DPP10: variants seen among roughly 807,000 people sequenced by gnomAD.
DPP10 encodes dipeptidyl peptidase like 10.
In DPP10, 33 loss-of-function variants were observed where a neutral mutation model predicts 120.9. That is an observed-to-expected ratio of 0.27 (90% CI 0.21 to 0.37). DPP10 has a LOEUF of 0.37. Ranked by LOEUF, DPP10 falls within the 10% of genes least tolerant of loss-of-function variation. The pLI, the probability that DPP10 is intolerant of heterozygous loss-of-function variation, is 1.00. For synonymous variants in DPP10, 337 were observed against 326.1 expected (o/e 1.03, Z -0.36); for missense variants, 816 against 942.8 (o/e 0.87, Z 1.76).
chr2:115,294,207 G>A (rs537157085), intron 1 of DPP10, among the ~76,000 whole-genome samples: 6 of 152,042 alleles, frequency 3.9e-5, no homozygotes, highest in Non-Finnish European at 8.8e-5. Flanking sequence ...GAATCATTCT[G>A]AAGAAGTTTG....
intron 3 of DPP10, among the ~76,000 whole-genome samples, chr2:115,406,751 A>G (rs2068539571): frequency 6.6e-6 from 1 of 152,198 alleles, no homozygotes; most frequent in South Asian, 2.1e-4. Flanking sequence ...TAACAATTAT[A>G]AAGGTACTTA....
At chr2:114,718,003 A>T (rs754750470) in intron 1 of DPP10, among the ~76,000 whole-genome samples, 20 of 152,172 alleles carry the variant, frequency 1.3e-4, no homozygotes, top group Non-Finnish European at 2.5e-4. Flanking sequence ...GATACATAGA[A>T]CTAGAATTGG....
intron 3 of DPP10, among the ~76,000 whole-genome samples, chr2:115,457,303 A>C (rs1472268259): frequency 6.6e-6 from 1 of 152,112 alleles, no homozygotes; most frequent in African/African-American, 2.4e-5. Context: ...AACACTATAA[A>C]ACTTTTTAGA....
chr2:115,561,460 T>G (rs1315072865), intron 5 of DPP10, among the ~76,000 whole-genome samples: 1 of 151,668 alleles, frequency 6.6e-6, no homozygotes, highest in Non-Finnish European at 1.5e-5. Flanking sequence ...TCACATACTG[T>G]TTTGAGAGAA....
intron 1 of DPP10, among the ~76,000 whole-genome samples, chr2:114,985,228 T>C (rs1020118846): frequency 6.6e-6 from 1 of 152,178 alleles, no homozygotes; most frequent in Non-Finnish European, 1.5e-5. Context: ...ACTTTTTTTT[T>C]CCTTCTGTCT....
chr2:114,788,439 C>T (rs2437455), intron 1 of DPP10, among the ~76,000 whole-genome samples: 69,438 of 148,976 alleles, frequency 0.47, 16,569 homozygotes, highest in African/African-American at 0.55. Context: ...TTCCTTGAGA[C>T]GGAGTCTCAC....
chr2:115,371,277 A>G (rs2065390863), intron 3 of DPP10, among the ~76,000 whole-genome samples: 1 of 152,136 alleles, frequency 6.6e-6, no homozygotes, highest in Admixed American at 6.6e-5. Context: ...TGCTTCTCAA[A>G]TTGCTCCTTT....
At chr2:114,739,558 C>G (rs1033672218) in intron 1 of DPP10, among the ~76,000 whole-genome samples, 1 of 152,054 alleles carries the variant, frequency 6.6e-6, no homozygotes, top group African/African-American at 2.4e-5. Context: ...ACTTGGGAGG[C>G]TGAGACAGGA....
chr2:114,814,548 G>A (rs1054328422), intron 1 of DPP10, among the ~76,000 whole-genome samples: 1 of 152,048 alleles, frequency 6.6e-6, no homozygotes, highest in Non-Finnish European at 1.5e-5. Context: ...ATATTACCAT[G>A]TCAGCATATT....
intron 19 of DPP10, among the ~76,000 whole-genome samples, chr2:115,808,068 A>G (rs1686217709): frequency 6.6e-6 from 1 of 152,242 alleles, no homozygotes; most frequent in Non-Finnish European, 1.5e-5. Context: ...AGAAGCTCGT[A>G]AGATACCTTT....
chr2:115,724,444 T>C (rs2092719557), intron 7 of DPP10, among the ~76,000 whole-genome samples: 1 of 152,226 alleles, frequency 6.6e-6, no homozygotes, highest in Non-Finnish European at 1.5e-5. Flanking sequence ...ACTAACACAT[T>C]GATTCGAATA....
At chr2:115,353,645 T>A (rs1264899566) in intron 3 of DPP10, among the ~76,000 whole-genome samples, 2 of 152,158 alleles carry the variant, frequency 1.3e-5, no homozygotes, top group African/African-American at 4.8e-5. Context: ...ATGTTTCTAC[T>A]TTTCTAGGAC....
intron 1 of DPP10, among the ~76,000 whole-genome samples, chr2:114,491,707 TAC>T (rs958444766): frequency 6.6e-6 from 1 of 152,218 alleles, no homozygotes; most frequent in Non-Finnish European, 1.5e-5. Context: ...AGCATAAAAA[TAC>T]ATGCTCTCAA....
chr2:115,331,225 T>G, intron 2 of DPP10, among the ~76,000 whole-genome samples: 1 of 152,030 alleles, frequency 6.6e-6, no homozygotes, highest in Non-Finnish European at 1.5e-5. Context: ...TGGCTCTCTG[T>G]CTGTTATTTG....
At chr2:115,698,167 ATCT>A (rs1207601100) in intron 7 of DPP10, among the ~76,000 whole-genome samples, 1 of 152,118 alleles carries the variant, frequency 6.6e-6, no homozygotes, top group Non-Finnish European at 1.5e-5. Context: ...CACACAAAAG[ATCT>A]TCTCTGATCA....
chr2:114,502,108 G>T (rs76782679), intron 1 of DPP10, among the ~76,000 whole-genome samples: 1,813 of 150,886 alleles, frequency 0.012, 40 homozygotes, highest in African/African-American at 0.04. Flanking sequence ...GCTAATTTTT[G>T]TATTTATTTT....
At chr2:115,106,964 A>C (rs1251639478) in intron 1 of DPP10, among the ~76,000 whole-genome samples, 1 of 151,400 alleles carries the variant, frequency 6.6e-6, no homozygotes, top group African/African-American at 2.4e-5. Flanking sequence ...AGTCCCAGCT[A>C]CTCGGGAGAC....
intron 1 of DPP10, 35 bp downstream of exon 1, chr2:114,442,873 G>C (rs775118360): frequency 6.2e-7 from 1 of 1,611,728 alleles, no homozygotes; most frequent in Admixed American, 1.7e-5. Context: ...TTCTGCACAT[G>C]TGTCTTCATT....
chr2:115,449,228 C>G (rs1226394709), intron 3 of DPP10, among the ~76,000 whole-genome samples: 3 of 151,968 alleles, frequency 2.0e-5, no homozygotes, highest in African/African-American at 7.2e-5. Context: ...TTTTGGAAAA[C>G]ATTTGATGCA....
Sources: gnomAD v4.1 joint callset for allele counts (sites outside exome capture counted in the v4.1 genomes callset) on GRCh38, gnomAD v4.1.1 for gene constraint, MANE v1.5 for transcripts, NCBI Gene and HGNC (gene_info 2026-07-23, HGNC 2026-07-21) for gene names.